The following PIK3C3 variants were observed in gnomAD, a reference collection of about 807,000 sequenced individuals.
PIK3C3 encodes the protein PI3-kinase type 3.
Under a neutral mutation model 126.1 loss-of-function variants are expected in PIK3C3, and 95 were observed. The ratio of observed to expected loss-of-function variants is 0.75; its 90% CI spans 0.64 to 0.89. The LOEUF (loss-of-function observed/expected upper bound fraction) is 0.89, where lower values mean the gene tolerates loss of function less well. PIK3C3 is among the 40% of genes least tolerant of loss of function. The probability of loss-of-function intolerance (pLI) is 0.00; values close to 1 mark genes in which losing one functional copy is unlikely to be tolerated. For missense variants in PIK3C3, 829 were observed against 1,063.2 expected, an observed-to-expected ratio of 0.78 and a Z score of 3.06; for synonymous variants, 374 against 360.0, an observed-to-expected ratio of 1.04 and a Z score of -0.44.
Position 42,044,840 on chromosome 18 carries a change from A to G in PIK3C3, c.2188+1023A>G, listed in dbSNP as rs536017832. On this transcript the variant is annotated intron_variant, in intron 20 of 24. Transcript: ENST00000262039. Reference sequence around the variant, plus strand: ...ATGTATGATGTGTTATAACTATTTTATATAAGCGCTATATTTGTTTATGTC... The same window carrying G: ...ATGTATGATGTGTTATAACTATTTTGTATAAGCGCTATATTTGTTTATGTC... Among the ~76,000 whole-genome samples, 41 of 152,318 alleles carry G rather than the reference A, an allele frequency of 2.7e-4. No individual in the cohort carries two copies. The South Asian group carries it at 8.5e-3, about 32-fold the overall frequency.
At chr18:42,039,619 A>T (rs985117293) in intron 18 of PIK3C3, among the ~76,000 whole-genome samples, 1 of 152,140 alleles carries the variant, frequency 6.6e-6, no homozygotes, top group Admixed American at 6.6e-5. Flanking sequence ...CTTCACATAC[A>T]CTGTGATCAT....
At chr18:42,063,188 T>G (rs187766772) in intron 22 of PIK3C3, among the ~76,000 whole-genome samples, 360 of 152,332 alleles carry the variant, frequency 2.4e-3, no homozygotes, top group Admixed American at 5.6e-3. Context: ...GTTGTTTTTT[T>G]CTCTTTTAAA....
chr18:42,014,523 G>A (rs988441592), intron 11 of PIK3C3, among the ~76,000 whole-genome samples: 2 of 152,124 alleles, frequency 1.3e-5, no homozygotes, highest in African/African-American at 4.8e-5. Flanking sequence ...AAACTTTTAT[G>A]TATCTTGCAA....
chr18:42,004,301 T>C (rs1441842396), intron 9 of PIK3C3, 55 bp from the exon 10 acceptor site: 3 of 1,412,684 alleles, frequency 2.1e-6, no homozygotes, highest in African/African-American at 1.4e-5. Context: ...CCTAGTCAAC[T>C]TCTCTATCCC....
chr18:42,050,808 C>T (rs1389175094), intron 21 of PIK3C3: 1 of 152,246 alleles, frequency 6.6e-6, no homozygotes, highest in Non-Finnish European at 1.5e-5. Context: ...GGCCATTTGT[C>T]TGAATGTCAA....
intron 6 of PIK3C3, among the ~76,000 whole-genome samples, chr18:41,991,758 A>T (rs1981789701): frequency 6.6e-6 from 1 of 152,174 alleles, no homozygotes; most frequent in South Asian, 2.1e-4. Context: ...TTAGTGAAAG[A>T]CTAGGAAGTG....
chr18:42,010,373 T>C (rs1982766673), intron 10 of PIK3C3, among the ~76,000 whole-genome samples: 1 of 152,106 alleles, frequency 6.6e-6, no homozygotes, highest in Non-Finnish European at 1.5e-5. Context: ...GAAGTCTTTT[T>C]TGTTGTTGTT....
At chr18:41,991,651 G>A (rs971495599) in intron 6 of PIK3C3, among the ~76,000 whole-genome samples, 3 of 152,016 alleles carry the variant, frequency 2.0e-5, no homozygotes, top group African/African-American at 7.2e-5. Flanking sequence ...CTATTTGAAA[G>A]GTTTTCATAA....
In PIK3C3 at chr18:41,957,667, G is replaced by A. The variant is rs376966650; in HGVS notation, c.166G>A (p.Asp56Asn). ...AGGACTATATCAAGAGACATGCTCTGATCTTTATGTTACTTGTCAAGTTTT... is the reference window on the plus strand; with the variant it reads ...AGGACTATATCAAGAGACATGCTCTAATCTTTATGTTACTTGTCAAGTTTT... ...FSGLYQETCSDLYVTCQVFAE... is the reference protein window; with the variant it reads ...FSGLYQETCSNLYVTCQVFAE... Residue 56 changes from aspartate to asparagine, a missense_variant, in exon 2 of 25, where the codon GAT becomes AAT. By Grantham distance (23) the Asp-to-Asn change is conservative. Around this residue, in one of 4 missense-constraint regions of PIK3C3, gnomAD observed 313 missense variants for 340.7 expected, o/e 0.92. Transcript: ENST00000262039. 21 of 1,613,922 alleles carry A rather than the reference G, an allele frequency of 1.3e-5. No homozygotes were observed. The African/African-American group carries it at 2.4e-4, about 18-fold the overall frequency.
At chr18:41,985,332 G>A (rs1981415332) in intron 4 of PIK3C3, among the ~76,000 whole-genome samples, 2 of 152,124 alleles carry the variant, frequency 1.3e-5, no homozygotes, top group South Asian at 4.1e-4. Flanking sequence ...AGGCATCTAG[G>A]AGACATTTTG....
intron 9 of PIK3C3, among the ~76,000 whole-genome samples, chr18:41,998,260 GA>G (rs1433880851): frequency 2.0e-5 from 3 of 152,052 alleles, no homozygotes; most frequent in Non-Finnish European, 2.9e-5. Flanking sequence ...CATCACTGAA[GA>G]AAAGGAAATA....
At chr18:42,054,134 A>C (rs28526497) in intron 21 of PIK3C3, among the ~76,000 whole-genome samples, 3,617 of 12,530 alleles carry the variant, frequency 0.29, 452 homozygotes, top group South Asian at 0.38. Context: ...TGGTATATAT[A>C]TATATATATA....
rs948688803 is a variant in PIK3C3, at chr18:42,084,485, T to C, written c.*3348T>C. 18 of 147,014 alleles carry C rather than the reference T, an allele frequency of 1.2e-4. No homozygotes were observed. The highest frequency in any genetic ancestry group is 4.5e-4 in the African/African-American group (18 of 39,710). 9.1% of individuals were successfully genotyped at this position (147,014 alleles called of 1,614,324 possible). A position where few individuals can be genotyped will look rare whatever the true frequency, so the allele number is the denominator to read the frequency against. ...TATATTAATATTTCACTTATAAGAA[T>C]GCATACCACCTGATCCAGGATGGGA... On this transcript the variant is annotated 3_prime_UTR_variant, in exon 25 of 25. Coordinates refer to ENST00000262039, the MANE Select transcript of PIK3C3 (RefSeq NM_002647.4).
intron 1 of PIK3C3, 76 bp downstream of exon 1, chr18:41,955,435 G>C: frequency 7.9e-7 from 1 of 1,263,186 alleles, no homozygotes; most frequent in Non-Finnish European, 1.1e-6. Context: ...TTGGGAGTGA[G>C]AGGCAGAAAG....
chr18:42,041,982 C>T (rs1984343251), intron 19 of PIK3C3, among the ~76,000 whole-genome samples: 1 of 152,202 alleles, frequency 6.6e-6, no homozygotes, highest in African/African-American at 2.4e-5. Flanking sequence ...GCCTGCTTGC[C>T]AGGAGATTGG....
intron 20 of PIK3C3, among the ~76,000 whole-genome samples, chr18:42,045,351 C>T (rs1432289165): frequency 6.6e-6 from 1 of 152,090 alleles, no homozygotes; most frequent in Non-Finnish European, 1.5e-5. Context: ...TATTTTGCCC[C>T]ATTTCTCTTC....
In PIK3C3 at chr18:42,067,375, TG is replaced by T. The variant is rs1985585606; in HGVS notation, c.2524-12del. The T allele has an allele frequency of 3.7e-6, 6 of 1,613,354 alleles. No individual in the cohort carries two copies. Among genetic ancestry groups the T allele is most frequent in the Non-Finnish European group, 5.1e-6 (6 of 1,179,480 alleles). On this transcript the variant is annotated splice_polypyrimidine_tract_variant and intron_variant, in intron 23 of 24. Transcript: ENST00000262039. The stretch of plus-strand genomic sequence containing the variant: ...TTTTCTTCGTTGTAAAGACTAAGAG[TG>T]TTATCTTATAGGTTCAGGATAAATT...
At chr18:42,049,406 A>T in intron 20 of PIK3C3, 125 bp from the exon 21 acceptor site, 1 of 544,416 alleles carries the variant, frequency 1.8e-6, no homozygotes, top group Non-Finnish European at 3.2e-6. Context: ...GAGAATTCAG[A>T]TGAGAAACCA....
Position 42,004,494 on chromosome 18 carries a change from A to G in PIK3C3, c.1123A>G (p.Thr375Ala). 1 of 1,608,850 alleles carries G rather than the reference A, an allele frequency of 6.2e-7. No individual in the cohort carries two copies. Among genetic ancestry groups the G allele is most frequent in the Non-Finnish European group, 8.5e-7 (1 of 1,178,696 alleles). Residue 375 changes from threonine to alanine, a missense_variant, in exon 10 of 25, where the codon ACT becomes GCT. Around this residue, in one of 4 missense-constraint regions of PIK3C3, gnomAD observed 64 missense variants for 118.7 expected, o/e 0.54. Transcript: ENST00000262039. ...GTTATCCTCTCATTACACCAACCCA[A>G]CTGTGAGGCGTTATGCTGTTGCCCG... Reference protein sequence around the residue: ...ELLSSHYTNPTVRRYAVARLR... With the variant: ...ELLSSHYTNPAVRRYAVARLR...
Sources: gnomAD v4.1 joint callset for allele counts (sites outside exome capture counted in the v4.1 genomes callset) on GRCh38, gnomAD v4.1.1 for gene constraint, gnomAD v4.1.1 regional missense constraint, MANE v1.5 for transcripts, NCBI Gene and HGNC (gene_info 2026-07-23, HGNC 2026-07-21) for gene names.